The following HDAC2 variants were observed in gnomAD, a reference collection of about 807,000 sequenced individuals.
HDAC2 encodes histone deacetylase 2.
Under a neutral mutation model 68.5 loss-of-function variants are expected in HDAC2, and 5 were observed. That is an observed-to-expected ratio of 0.07 (90% CI 0.04 to 0.15). The LOEUF is 0.15. Ranked by LOEUF, HDAC2 falls within the 10% of genes least tolerant of loss-of-function variation. The pLI, the probability that HDAC2 is intolerant of heterozygous loss-of-function variation, is 1.00. For synonymous variants in HDAC2, 182 were observed against 191.3 expected, an observed-to-expected ratio of 0.95 and a Z score of 0.40; for missense variants, 291 against 600.8, an observed-to-expected ratio of 0.48 and a Z score of 5.39.
At chr6:113,965,671 C>T (rs993425608) in intron 1 of HDAC2, among the ~76,000 whole-genome samples, 1 of 152,066 alleles carries the variant, frequency 6.6e-6, no homozygotes, top group Non-Finnish European at 1.5e-5. Context: ...GCACCCGGCC[C>T]CCTCTCTTAC....
chr6:113,943,514 G>GA lies in HDAC2; in HGVS notation c.1223-9dup. On this transcript the variant is annotated splice_polypyrimidine_tract_variant and intron_variant, in intron 11 of 13. Coordinates refer to ENST00000519065, the MANE Select transcript of HDAC2 (RefSeq NM_001527.4). ...GCTTGTCTGATGCTCGAACTGCACA[G>GA]AATATTTTAATAAATTTTGACAAAA... 1 of 1,575,640 alleles carries GA rather than the reference G, an allele frequency of 6.3e-7. No homozygotes were observed. The highest frequency in any genetic ancestry group is 1.7e-4 in the Middle Eastern group (1 of 5,920).
intron 1 of HDAC2, among the ~76,000 whole-genome samples, chr6:113,962,888 C>T (rs1169053331): frequency 2.7e-5 from 4 of 149,322 alleles, no homozygotes; most frequent in African/African-American, 9.9e-5. Context: ...CACTTGAACC[C>T]AGGAGGCGGA....
In HDAC2 at chr6:113,939,446, G is replaced by C. The variant is rs531476389; in HGVS notation, c.*1612C>G. On this transcript the variant is annotated 3_prime_UTR_variant, in exon 14 of 14. Transcript: ENST00000519065. ...ACCACCTGTTCCCCAATAAGCTATG[G>C]AAAAATAAAAATAAAAAAAGCAAAG... is the stretch of plus-strand genomic sequence containing the variant. The C allele has an allele frequency of 6.6e-6, 1 of 151,892 alleles. No individual in the cohort carries two copies. The highest frequency in any genetic ancestry group is 2.1e-4 in the South Asian group (1 of 4,804). The allele number at this position is 151,892 out of a possible 1,614,324, so 9.4% of individuals were successfully genotyped here. A position where few individuals can be genotyped will look rare whatever the true frequency, so the allele number is the denominator to read the frequency against.
rs1459467663 is a variant in HDAC2 at position 113,956,506 on chromosome 6, TC to T, written c.358+112del. The T allele has an allele frequency of 4.0e-6, 3 of 745,402 alleles. No individual in the cohort carries two copies. The African/African-American group carries it at 5.3e-5, about 13-fold the overall frequency. 46.2% of individuals were successfully genotyped at this position (745,402 alleles called of 1,614,324 possible). On this transcript the variant is annotated intron_variant, in intron 4 of 13. Transcript: ENST00000519065. ...GTACTTTACTATAAACATACTGATT[TC>T]CTTTTGTTATCAAAATTCACAATCA...
rs1453703199 is a variant in HDAC2 at position 113,940,065 on chromosome 6, C to T, written c.*993G>A. ...GCACATCTTAGTAGCAGGAGTTACC[C>T]CCATTTGTCTGCTTCCTGCTACTAG... On this transcript the variant is annotated 3_prime_UTR_variant, in exon 14 of 14. Transcript: ENST00000519065. The T allele has an allele frequency of 1.3e-5, 2 of 152,138 alleles. No individual in the cohort carries two copies. Among genetic ancestry groups the T allele is most frequent in the African/African-American group, 4.8e-5 (2 of 41,430 alleles). 9.4% of individuals were successfully genotyped at this position (152,138 alleles called of 1,614,324 possible). A position where few individuals can be genotyped will look rare whatever the true frequency, so the allele number is the denominator to read the frequency against.
rs1562139097 is a variant in HDAC2 at position 113,940,827 on chromosome 6, AT to A, written c.*230del. 4.9e-6 allele frequency: 2 copies of A among 409,506 alleles called. No individual in the cohort carries two copies. Among genetic ancestry groups the A allele is most frequent in the Non-Finnish European group, 8.7e-6 (2 of 230,638 alleles). The allele number at this position is 409,506 out of a possible 1,614,324, so 25.4% of individuals were successfully genotyped here. A position where few individuals can be genotyped will look rare whatever the true frequency, so the allele number is the denominator to read the frequency against. ...TTTTTTGACATAATAACTCACATCA[AT>A]TTTAAATACTATCACATAAAGCATG... On this transcript the variant is annotated 3_prime_UTR_variant, in exon 14 of 14. Transcript: ENST00000519065.
In HDAC2 at chr6:113,954,864, G is replaced by A. The variant is rs115185383; in HGVS notation, c.497+1149C>T. ...GATGGCAAAAAATAACTAACATTGC[G>A]AACATCCAAATTCCTAAGTACCTCT... On this transcript the variant is annotated intron_variant, in intron 5 of 13. Transcript: ENST00000519065. Among the ~76,000 whole-genome samples, 587 of 152,228 alleles carry A rather than the reference G, an allele frequency of 3.9e-3. 7 individuals carry two copies. Among genetic ancestry groups the A allele is most frequent in the African/African-American group, 0.013 (552 of 41,538 alleles).
chr6:113,970,617 G>C (rs976724564), intron 1 of HDAC2: 10 of 1,332,190 alleles, frequency 7.5e-6, no homozygotes, highest in Admixed American at 3.9e-5. Context: ...ACGGCCGAAG[G>C]GGGAGAGGCA....
At chr6:113,955,518 A>G (rs1776532339) in intron 5 of HDAC2, among the ~76,000 whole-genome samples, 1 of 150,956 alleles carries the variant, frequency 6.6e-6, no homozygotes, top group African/African-American at 2.4e-5. Flanking sequence ...CCTTTTATAC[A>G]CTTCTAATTC....
intron 9 of HDAC2, 131 bp from the exon 10 acceptor site, chr6:113,945,601 T>G (rs1776248170): frequency 1.5e-6 from 1 of 669,900 alleles, no homozygotes; most frequent in Admixed American, 2.7e-5. Flanking sequence ...AAGTGAATGT[T>G]CTCCTATTTA....
chr6:113,941,720 GT>G lies in HDAC2; in HGVS notation c.1423del (p.Thr475GlnfsTer31). On this transcript the variant is annotated frameshift_variant, in exon 13 of 14. Coordinates refer to ENST00000519065, the MANE Select transcript of HDAC2 (RefSeq NM_001527.4). LOFTEE classifies it high-confidence loss of function. ...DKSKDNSGEKTDTKGTKSEQL... is the reference protein window; with the variant it reads ...DKSKDNSGEKXDTKGTKSEQL... ...GAACATCATTTACCCTTTGGTATCT[GT>G]TTTTTCACCACTGTTGTCCTTGGAT... 13 of 1,428,144 alleles carry G rather than the reference GT, an allele frequency of 9.1e-6. No individual in the cohort carries two copies. Among genetic ancestry groups the G allele is most frequent in the South Asian group, 1.3e-5 (1 of 75,948 alleles). The allele number at this position is 1,428,144 out of a possible 1,614,324, so 88.5% of individuals were successfully genotyped here.
rs553412373 is a variant in HDAC2, at chr6:113,955,962, T to A, written c.497+51A>T. On this transcript the variant is annotated intron_variant, in intron 5 of 13. Transcript: ENST00000519065. ...AGCCATAGACTTTATTTATTGTGTT[T>A]TAATGAAAACACTTTATCACTGAAA... The A allele has an allele frequency of 1.4e-5, 19 of 1,382,350 alleles. No individual in the cohort carries two copies. The East Asian group carries it at 2.2e-4, about 16-fold the overall frequency. The allele number at this position is 1,382,350 out of a possible 1,614,324, so 85.6% of individuals were successfully genotyped here.
At chr6:113,962,545 C>T (rs73766806) in intron 1 of HDAC2, among the ~76,000 whole-genome samples, 2 of 152,058 alleles carry the variant, frequency 1.3e-5, no homozygotes, top group African/African-American at 2.4e-5. Context: ...TATACGAATA[C>T]GCATAGCTTT....
intron 11 of HDAC2, 113 bp downstream of exon 11, chr6:113,944,166 CA>C: frequency 1.1e-6 from 1 of 921,194 alleles, no homozygotes; most frequent in Non-Finnish European, 1.7e-6. Flanking sequence ...GCAAAAATGA[CA>C]ATATTAACAG....
chr6:113,962,426 ATT>A, intron 1 of HDAC2: 1 of 672,836 alleles, frequency 1.5e-6, no homozygotes, highest in Non-Finnish European at 1.8e-6. Flanking sequence ...AAATATAAAT[ATT>A]TTAAATAAAG....
chr6:113,936,965 C>T lies in HDAC2; in HGVS notation c.*4093G>A, dbSNP rs1267129383. 1 of 151,604 alleles carries T rather than the reference C, an allele frequency of 6.6e-6. No individual in the cohort carries two copies. Among genetic ancestry groups the T allele is most frequent in the East Asian group, 1.9e-4 (1 of 5,152 alleles). 9.4% of individuals were successfully genotyped at this position (151,604 alleles called of 1,614,324 possible). ...CAAGATCATGCCACTGCACTCCAAC[C>T]TGGGCAACAGAGTGAGACTCTTTCA... On this transcript the variant is annotated 3_prime_UTR_variant, in exon 14 of 14. Coordinates refer to ENST00000519065, the MANE Select transcript of HDAC2 (RefSeq NM_001527.4).
At chr6:113,963,338 C>A (rs1776735519) in intron 1 of HDAC2, among the ~76,000 whole-genome samples, 1 of 152,126 alleles carries the variant, frequency 6.6e-6, no homozygotes, top group Non-Finnish European at 1.5e-5. Flanking sequence ...CCCGCCTCAG[C>A]CTCCCAAAGT....
Position 113,936,840 on chromosome 6 carries a change from A to T in HDAC2, c.*4218T>A, listed in dbSNP as rs1400317687. 6.6e-6 allele frequency: 1 copy of T among 152,012 alleles called. No homozygotes were observed. Among genetic ancestry groups the T allele is most frequent in the Admixed American group, 6.6e-5 (1 of 15,264 alleles). 9.4% of individuals were successfully genotyped at this position (152,012 alleles called of 1,614,324 possible). On this transcript the variant is annotated 3_prime_UTR_variant, in exon 14 of 14. Transcript: ENST00000519065. ...GAACCCGTCTCTACTAAATATACAA[A>T]AATTAGCCAGGTGTGGTGGTGCACA...
rs1314560852 is a variant in HDAC2 at position 113,940,508 on chromosome 6, C to T, written c.*550G>A. 3 of 152,358 alleles carry T rather than the reference C, an allele frequency of 2.0e-5. No individual in the cohort carries two copies. The highest frequency in any genetic ancestry group is 2.9e-5 in the Non-Finnish European group (2 of 68,084). 9.4% of individuals were successfully genotyped at this position (152,358 alleles called of 1,614,324 possible). On this transcript the variant is annotated 3_prime_UTR_variant, in exon 14 of 14. Coordinates refer to ENST00000519065, the MANE Select transcript of HDAC2 (RefSeq NM_001527.4). ...GTTAATCTTCACTGATACTAACTGG[C>T]TAAGCTATAGAGGGCAAGGTGGTAG...
Sources: gnomAD v4.1 joint callset for allele counts (sites outside exome capture counted in the v4.1 genomes callset) on GRCh38, gnomAD v4.1.1 for gene constraint, MANE v1.5 for transcripts, NCBI Gene and HGNC (gene_info 2026-07-23, HGNC 2026-07-21) for gene names.